The following KIAA0825 variants were observed in gnomAD, a reference collection of about 807,000 sequenced individuals.
KIAA0825 encodes the protein KIAA0825.
A neutral mutation model predicts 147.6 loss-of-function variants in KIAA0825; 119 were observed. The observed-to-expected ratio is 0.81, with a 90% confidence interval of 0.69 to 0.94. The LOEUF is 0.94. Ranked by LOEUF, KIAA0825 falls within the 40% of genes least tolerant of loss-of-function variation. The pLI, the probability that KIAA0825 is intolerant of heterozygous loss-of-function variation, is 0.00. For missense variants in KIAA0825, 1,381 were observed against 1,472.7 expected, an observed-to-expected ratio of 0.94 and a Z score of 1.02; for synonymous variants, 470 against 518.1, an observed-to-expected ratio of 0.91 and a Z score of 1.26.
At chr5:94,282,330 ATATGAT>A (rs1469725628) in intron 20 of KIAA0825, among the ~76,000 whole-genome samples, 11 of 152,116 alleles carry the variant, frequency 7.2e-5, no homozygotes, top group Admixed American at 3.9e-4. Context: ...TTTAAAATTT[ATATGAT>A]TATAACTATA....
At chr5:94,170,390 A>G (rs1270259662) in intron 20 of KIAA0825, among the ~76,000 whole-genome samples, 2 of 152,218 alleles carry the variant, frequency 1.3e-5, no homozygotes, top group African/African-American at 4.8e-5. Context: ...TTGAGAAAAC[A>G]TTACTTTCAC....
intron 15 of KIAA0825, among the ~76,000 whole-genome samples, chr5:94,411,302 A>G (rs1332326997): frequency 6.6e-6 from 1 of 152,184 alleles, no homozygotes; most frequent in Non-Finnish European, 1.5e-5. Flanking sequence ...AAGATTAGAT[A>G]GAACAACAAA....
At chr5:94,274,141 TAAA>T (rs1777111423) in intron 20 of KIAA0825, among the ~76,000 whole-genome samples, 1 of 152,156 alleles carries the variant, frequency 6.6e-6, no homozygotes, top group Admixed American at 6.5e-5. Context: ...GCAGGGAACA[TAAA>T]GAAGAATGTC....
chr5:94,274,611 CCAGAAATTGGT>C (rs1409617234), intron 20 of KIAA0825, among the ~76,000 whole-genome samples: 2 of 152,072 alleles, frequency 1.3e-5, no homozygotes, highest in African/African-American at 4.8e-5. Flanking sequence ...CATACTACAG[CCAGAAATTGGT>C]CTGGCATGCT....
At chr5:94,328,530 C>G (rs1055399323) in intron 20 of KIAA0825, among the ~76,000 whole-genome samples, 1 of 151,412 alleles carries the variant, frequency 6.6e-6, no homozygotes, top group Non-Finnish European at 1.5e-5. Context: ...GAGAACATAG[C>G]GTGATATAAA....
At chr5:94,202,965 C>T (rs1043493321) in intron 20 of KIAA0825, among the ~76,000 whole-genome samples, 2 of 152,162 alleles carry the variant, frequency 1.3e-5, no homozygotes, top group East Asian at 1.9e-4. Flanking sequence ...ATTGGTACTA[C>T]TCTTTGGCTT....
At chr5:94,440,645 A>G (rs544496435) in intron 13 of KIAA0825, among the ~76,000 whole-genome samples, 1 of 152,216 alleles carries the variant, frequency 6.6e-6, no homozygotes, top group African/African-American at 2.4e-5. Flanking sequence ...TCAACATTCA[A>G]TTATCAGAAC....
intron 20 of KIAA0825, among the ~76,000 whole-genome samples, chr5:94,310,631 GA>G (rs1779077894): frequency 6.6e-6 from 1 of 151,582 alleles, no homozygotes; most frequent in African/African-American, 2.4e-5. Context: ...AAGGACTACA[GA>G]AGTAATTTTA....
chr5:94,180,250 A>G (rs1769484444), intron 20 of KIAA0825, among the ~76,000 whole-genome samples: 1 of 152,108 alleles, frequency 6.6e-6, no homozygotes, highest in South Asian at 2.1e-4. Flanking sequence ...AATAACACAT[A>G]ACTTTAATCC....
chr5:94,274,255 A>G (rs184130845), intron 20 of KIAA0825, among the ~76,000 whole-genome samples: 48 of 152,216 alleles, frequency 3.2e-4, no homozygotes, highest in Middle Eastern at 3.4e-3. Context: ...TTAATATGAG[A>G]TGGTTGAACT....
intron 20 of KIAA0825, among the ~76,000 whole-genome samples, chr5:94,237,106 A>G (rs1775089483): frequency 6.6e-6 from 1 of 151,930 alleles, no homozygotes; most frequent in East Asian, 1.9e-4. Flanking sequence ...CTATATGTAT[A>G]GGCGATGCAG....
intron 20 of KIAA0825, among the ~76,000 whole-genome samples, chr5:94,217,807 T>G (rs894128111): frequency 1.3e-5 from 2 of 152,170 alleles, no homozygotes; most frequent in Non-Finnish European, 2.9e-5. Flanking sequence ...TATATAATAC[T>G]AAGGGATTGT....
intron 1 of KIAA0825, among the ~76,000 whole-genome samples, chr5:94,610,975 T>C (rs956692642): frequency 2.6e-5 from 4 of 151,828 alleles, no homozygotes; most frequent in African/African-American, 9.7e-5. Context: ...GGAAGGAAAA[T>C]GGACAGTAAA....
At chr5:94,235,548 C>A (rs116404515) in intron 20 of KIAA0825, among the ~76,000 whole-genome samples, 1 of 152,118 alleles carries the variant, frequency 6.6e-6, no homozygotes, top group Non-Finnish European at 1.5e-5. Context: ...GAAGCTGCAG[C>A]GAGTTATTCA....
At chr5:94,435,395 C>A (rs1053382922) in intron 14 of KIAA0825, among the ~76,000 whole-genome samples, 11 of 151,102 alleles carry the variant, frequency 7.3e-5, no homozygotes, top group African/African-American at 2.7e-4. Context: ...ATTTGGCTTT[C>A]TGTTCCTGTG....
chr5:94,391,190 C>A (rs1205859478), intron 18 of KIAA0825, among the ~76,000 whole-genome samples: 1 of 152,184 alleles, frequency 6.6e-6, no homozygotes, highest in African/African-American at 2.4e-5. Context: ...TAAGTCTCTT[C>A]TGAAAATTCA....
At chr5:94,513,310 A>G (rs1189777173) in intron 5 of KIAA0825, among the ~76,000 whole-genome samples, 1 of 152,212 alleles carries the variant, frequency 6.6e-6, no homozygotes, top group East Asian at 1.9e-4. Flanking sequence ...CTAAGATGGT[A>G]TATAAATCTT....
intron 2 of KIAA0825, among the ~76,000 whole-genome samples, chr5:94,564,304 T>C (rs1391736313): frequency 6.8e-6 from 1 of 146,452 alleles, no homozygotes; most frequent in Non-Finnish European, 1.5e-5. Context: ...CTTGACCTCC[T>C]GGGCTCAAGG....
At chr5:94,352,000 T>G (rs1331133979) in intron 20 of KIAA0825, among the ~76,000 whole-genome samples, 3 of 152,126 alleles carry the variant, frequency 2.0e-5, no homozygotes, top group Non-Finnish European at 4.4e-5. Context: ...AAAAAACCCT[T>G]CTGGACACTG....
Sources: gnomAD v4.1 joint callset for allele counts (sites outside exome capture counted in the v4.1 genomes callset) on GRCh38, gnomAD v4.1.1 for gene constraint, MANE v1.5 for transcripts, NCBI Gene and HGNC (gene_info 2026-07-23, HGNC 2026-07-21) for gene names.